Variants in KSR2 observed in about 807,000 individuals in gnomAD.
KSR2 encodes the protein kinase suppressor of ras 2.
KSR2 carries 25 observed loss-of-function variants against 107.8 expected under a neutral mutation model. That is an observed-to-expected ratio of 0.23 (90% CI 0.17 to 0.32). The LOEUF is 0.32. Among genes scored for constraint, KSR2 ranks in the 10% least tolerant of loss-of-function variants. KSR2 has a pLI of 1.00. For missense variants in KSR2, 887 were observed against 1,268.9 expected (o/e 0.70, Z 4.57); for synonymous variants, 480 against 507.0 (o/e 0.95, Z 0.71).
At chr12:117,856,719 T>C (rs1039691672) in intron 2 of KSR2, among the ~76,000 whole-genome samples, 1 of 152,066 alleles carries the variant, frequency 6.6e-6, no homozygotes, top group African/African-American at 2.4e-5. Flanking sequence ...TCAGGTGATC[T>C]GCCCACCTCA....
At chr12:117,746,967 C>T (rs1329001460) in intron 4 of KSR2, among the ~76,000 whole-genome samples, 3 of 152,260 alleles carry the variant, frequency 2.0e-5, no homozygotes, top group African/African-American at 7.2e-5. Context: ...AATAGGAATG[C>T]TTTTACACTG....
intron 1 of KSR2, among the ~76,000 whole-genome samples, chr12:117,861,750 T>C (rs2137250828): frequency 6.6e-6 from 1 of 152,212 alleles, no homozygotes; most frequent in Admixed American, 6.5e-5. Flanking sequence ...GGGGGAAACA[T>C]TTTATTTAAA....
At chr12:117,939,322 T>G (rs1026311461) in intron 1 of KSR2, among the ~76,000 whole-genome samples, 16 of 152,126 alleles carry the variant, frequency 1.1e-4, no homozygotes, top group African/African-American at 3.9e-4. Context: ...CCAGGGAGAT[T>G]TTTGACATGG....
At position 117,754,355 on chromosome 12, in the gene KSR2, C is replaced by T. The variant is rs147759940; in HGVS notation, c.986+6656G>A. On this transcript the variant is annotated intron_variant, in intron 4 of 19. Coordinates refer to ENST00000339824, the MANE Select transcript of KSR2 (RefSeq NM_173598.6). ...AAGGGGCCTAAAAAATAGCCTTCCT[C>T]GGCCAGGCATGGTGGCTCACACCTG... is the stretch of plus-strand genomic sequence containing the variant. 3.9e-4 allele frequency among the ~76,000 whole-genome samples: 60 copies of T among 152,182 alleles called. No homozygotes were observed. The East Asian group carries it at 0.011, about 29-fold the overall frequency.
At position 117,455,102 on chromosome 12, in the gene KSR2, AGGCCTGAGGT is replaced by A. The variant is rs1303754927; in HGVS notation, c.*12087_*12096del. 6 of 142,814 alleles carry A rather than the reference AGGCCTGAGGT, an allele frequency of 4.2e-5. No homozygotes were observed. In the East Asian group the frequency reaches 8.3e-4, roughly 20 times the overall value. The allele number at this position is 142,814 out of a possible 1,614,324, so 8.8% of individuals were successfully genotyped here. The stretch of plus-strand genomic sequence containing the variant: ...GTAGAGCCAGAGAGGGATGCAGAGC[AGGCCTGAGGT>A]GGCCTGAGTACTGGTCTGACTCCAG... On this transcript the variant is annotated 3_prime_UTR_variant, in exon 20 of 20. Coordinates refer to ENST00000339824, the MANE Select transcript of KSR2 (RefSeq NM_173598.6).
At chr12:117,879,695 C>T (rs1033200650) in intron 1 of KSR2, among the ~76,000 whole-genome samples, 8 of 151,990 alleles carry the variant, frequency 5.3e-5, no homozygotes, top group Admixed American at 2.6e-4. Flanking sequence ...CCAGCCTGGG[C>T]GCCAGAGCGA....
intron 4 of KSR2, among the ~76,000 whole-genome samples, chr12:117,675,706 C>T (rs868815029): frequency 7.9e-5 from 12 of 152,182 alleles, no homozygotes; most frequent in Non-Finnish European, 1.8e-4. Flanking sequence ...CCTCCTCGAG[C>T]GTGTGGGTTG....
intron 5 of KSR2, among the ~76,000 whole-genome samples, chr12:117,601,033 C>T (rs1191114455): frequency 2.0e-5 from 3 of 152,068 alleles, no homozygotes; most frequent in South Asian, 2.1e-4. Context: ...AAGTAGCAAC[C>T]GTGCCTGGTG....
chr12:117,539,732 G>A lies in KSR2; in HGVS notation c.1674C>T (p.Asn558=), dbSNP rs755462228. 2 of 1,600,644 alleles carry A rather than the reference G, an allele frequency of 1.2e-6. No individual in the cohort carries two copies. Among genetic ancestry groups the A allele is most frequent in the Non-Finnish European group, 1.7e-6 (2 of 1,174,534 alleles). ...PSPQCTRQQK[N]FNLPASHYYK... ...GCATGGAGGTACCTGGCAGGTTGAA[G>A]TTCTTCTGCTGCCGTGTGCACTGTG... Residue 558 remains asparagine, a synonymous_variant, in exon 10 of 20, where the codon AAC becomes AAT. Coordinates refer to ENST00000339824, the MANE Select transcript of KSR2 (RefSeq NM_173598.6).
At chr12:117,468,721 TA>T (rs1871275797) in intron 19 of KSR2, among the ~76,000 whole-genome samples, 1 of 152,208 alleles carries the variant, frequency 6.6e-6, no homozygotes, top group Non-Finnish European at 1.5e-5. Flanking sequence ...TGTCTTCATG[TA>T]CCATGTAATG....
At chr12:117,602,701 T>G (rs907258584) in intron 5 of KSR2, among the ~76,000 whole-genome samples, 2 of 152,218 alleles carry the variant, frequency 1.3e-5, no homozygotes, top group Admixed American at 6.5e-5. Context: ...ATGAATATGC[T>G]CCTATGAATA....
chr12:117,580,667 C>CTGCT (rs1879593738), intron 6 of KSR2, among the ~76,000 whole-genome samples: 3 of 152,220 alleles, frequency 2.0e-5, no homozygotes, highest in African/African-American at 7.2e-5. Context: ...AGTAGCAGGT[C>CTGCT]ATCCCAAGTC....
chr12:117,731,276 C>T (rs1304551124), intron 4 of KSR2, among the ~76,000 whole-genome samples: 6 of 150,142 alleles, frequency 4.0e-5, no homozygotes, highest in Admixed American at 6.6e-5. Context: ...TCCCAGCAGC[C>T]GCCCCGTCTG....
intron 4 of KSR2, among the ~76,000 whole-genome samples, chr12:117,739,890 GT>G (rs755449707): frequency 0.023 from 2,648 of 113,446 alleles, 32 homozygotes; most frequent in East Asian, 0.041. Flanking sequence ...GGGTGTTACT[GT>G]TTTTTTTTTT....
intron 1 of KSR2, among the ~76,000 whole-genome samples, chr12:117,902,131 G>A (rs545656160): frequency 3.8e-4 from 58 of 152,196 alleles, no homozygotes; most frequent in African/African-American, 1.3e-3. Context: ...GAAAATTCTC[G>A]ATGTAGTAAA....
At chr12:117,744,913 C>T (rs980176245) in intron 4 of KSR2, among the ~76,000 whole-genome samples, 1 of 152,128 alleles carries the variant, frequency 6.6e-6, no homozygotes, top group African/African-American at 2.4e-5. Flanking sequence ...TTCTGAATAA[C>T]AACTAGGAAT....
At chr12:117,570,445 G>A (rs1878811830) in intron 7 of KSR2, among the ~76,000 whole-genome samples, 1 of 152,154 alleles carries the variant, frequency 6.6e-6, no homozygotes, top group Non-Finnish European at 1.5e-5. Context: ...TAGTGCCAAG[G>A]TTGAGAAAAA....
chr12:117,676,507 G>A (rs73211999), intron 4 of KSR2, among the ~76,000 whole-genome samples: 27,618 of 152,062 alleles, frequency 0.18, 3,164 homozygotes, highest in South Asian at 0.28. Flanking sequence ...AAAGAAGGAT[G>A]AGAAAAAGGA....
chr12:117,737,782 C>CAAA (rs10587288), intron 4 of KSR2, among the ~76,000 whole-genome samples: 10 of 83,972 alleles, frequency 1.2e-4, no homozygotes, highest in East Asian at 3.1e-4. Flanking sequence ...AATCCTGTCT[C>CAAA]AAAAAAAAAA....
Sources: allele counts gnomAD v4.1 joint callset (sites outside exome capture counted in the v4.1 genomes callset), GRCh38; gene constraint gnomAD v4.1.1; transcripts MANE v1.5; gene names NCBI Gene and HGNC (gene_info 2026-07-23, HGNC 2026-07-21).